The following CCBE1 variants were observed in gnomAD, a reference collection of about 807,000 sequenced individuals.
The protein encoded by CCBE1 is collagen and calcium binding EGF domains 1, also known as collagen and calcium-binding EGF domain-containing protein 1.
CCBE1 carries 37 observed loss-of-function variants against 50.0 expected under a neutral mutation model. That is an observed-to-expected ratio of 0.74 (90% CI 0.57 to 0.97). The LOEUF is 0.97. Ranked by LOEUF, CCBE1 falls within the 50% of genes least tolerant of loss-of-function variation. The probability of loss-of-function intolerance (pLI) is 0.00; values close to 1 mark genes in which losing one functional copy is unlikely to be tolerated. For missense variants in CCBE1, 538 were observed against 523.8 expected, an observed-to-expected ratio of 1.03 and a Z score of -0.26; for synonymous variants, 234 against 203.7, an observed-to-expected ratio of 1.15 and a Z score of -1.27.
intron 2 of CCBE1, among the ~76,000 whole-genome samples, chr18:59,493,947 T>G (rs1913229338): frequency 6.6e-6 from 1 of 152,140 alleles, no homozygotes; most frequent in African/African-American, 2.4e-5. Flanking sequence ...CTCTCTCTCT[T>G]TGCCTGCCAC....
At chr18:59,570,177 G>A (rs1344992147) in intron 2 of CCBE1, among the ~76,000 whole-genome samples, 1 of 152,184 alleles carries the variant, frequency 6.6e-6, no homozygotes, top group Non-Finnish European at 1.5e-5. Context: ...GCCTGGGAGA[G>A]GGAGTTTCTG....
intron 2 of CCBE1, among the ~76,000 whole-genome samples, chr18:59,599,088 T>C (rs1188921897): frequency 2.0e-5 from 3 of 152,190 alleles, no homozygotes; most frequent in African/African-American, 7.2e-5. Context: ...ACCTTTCTTC[T>C]TCTACTACTA....
intron 2 of CCBE1, among the ~76,000 whole-genome samples, chr18:59,637,808 T>C (rs558683616): frequency 7.4e-4 from 112 of 152,338 alleles, no homozygotes; most frequent in African/African-American, 2.4e-3. Context: ...AATACCTGAA[T>C]ATTTCTGTAA....
At chr18:59,443,917 G>C (rs1186887895) in intron 7 of CCBE1, among the ~76,000 whole-genome samples, 2 of 152,082 alleles carry the variant, frequency 1.3e-5, no homozygotes, top group Non-Finnish European at 2.9e-5. Flanking sequence ...CTCAGCCCCT[G>C]ATAACAACCA....
At chr18:59,586,100 C>T (rs528470295) in intron 2 of CCBE1, among the ~76,000 whole-genome samples, 9 of 152,266 alleles carry the variant, frequency 5.9e-5, no homozygotes, top group South Asian at 2.1e-4. Context: ...AAATAGTACA[C>T]GAAAACTAGT....
intron 2 of CCBE1, 39 bp downstream of exon 2, chr18:59,696,590 T>TGC (rs748201670): frequency 1.2e-6 from 2 of 1,611,922 alleles, no homozygotes; most frequent in South Asian, 1.1e-5. Flanking sequence ...CCAGCCCCGG[T>TGC]GCGCAGTGGC....
chr18:59,443,943 CTA>C (rs1910558731), intron 7 of CCBE1, among the ~76,000 whole-genome samples: 1 of 152,162 alleles, frequency 6.6e-6, no homozygotes, highest in South Asian at 2.1e-4. Flanking sequence ...CTTTCTGTTT[CTA>C]TGAGTTTAAT....
chr18:59,627,517 T>C (rs553853570), intron 2 of CCBE1, among the ~76,000 whole-genome samples: 4 of 152,330 alleles, frequency 2.6e-5, no homozygotes, highest in Middle Eastern at 3.4e-3. Context: ...TTTGGAAATA[T>C]GGTCTCTGCA....
In CCBE1 at chr18:59,436,049, C is replaced by A; in HGVS notation, c.1080G>T (p.Arg360=). The A allele has an allele frequency of 6.2e-7, 1 of 1,614,170 alleles. No homozygotes were observed. Among genetic ancestry groups the A allele is most frequent in the South Asian group, 1.1e-5 (1 of 91,076 alleles). ...TELQEKVFGH[R]THSSAEEFPL... Reference sequence around the variant, plus strand: ...GGAACTCCTCTGCTGAAGAGTGAGTCCGGTGCCCGAACACCTTTTCCTGCA... The same window carrying A: ...GGAACTCCTCTGCTGAAGAGTGAGTACGGTGCCCGAACACCTTTTCCTGCA... Residue 360 remains arginine (R), a synonymous_variant, in exon 11 of 11, where the codon CGG becomes CGT. Transcript: ENST00000439986.
At chr18:59,543,510 T>C (rs1035264746) in intron 2 of CCBE1, among the ~76,000 whole-genome samples, 1 of 152,076 alleles carries the variant, frequency 6.6e-6, no homozygotes, top group Non-Finnish European at 1.5e-5. Flanking sequence ...AGACAAGGAT[T>C]GTATCCATAA....
chr18:59,618,940 T>C (rs2053674895), intron 2 of CCBE1, among the ~76,000 whole-genome samples: 1 of 152,214 alleles, frequency 6.6e-6, no homozygotes, highest in East Asian at 1.9e-4. Context: ...ACTCCAGGTA[T>C]TGGATTTCAG....
At chr18:59,644,238 A>G (rs2054026942) in intron 2 of CCBE1, among the ~76,000 whole-genome samples, 1 of 152,204 alleles carries the variant, frequency 6.6e-6, no homozygotes, top group South Asian at 2.1e-4. Flanking sequence ...CTGATCTGAG[A>G]GGAGGCGGAG....
intron 2 of CCBE1, among the ~76,000 whole-genome samples, chr18:59,657,638 T>C (rs2054208656): frequency 6.6e-6 from 1 of 152,216 alleles, no homozygotes; most frequent in South Asian, 2.1e-4. Flanking sequence ...ACGCCTATAA[T>C]CCCAGCACTT....
chr18:59,654,469 C>A (rs1235956980), intron 2 of CCBE1, among the ~76,000 whole-genome samples: 2 of 151,918 alleles, frequency 1.3e-5, no homozygotes, highest in Non-Finnish European at 2.9e-5. Context: ...ACTAAAAACA[C>A]AAATATTAGC....
At chr18:59,453,076 G>A (rs1345435083) in intron 6 of CCBE1, among the ~76,000 whole-genome samples, 1 of 152,140 alleles carries the variant, frequency 6.6e-6, no homozygotes, top group Non-Finnish European at 1.5e-5. Flanking sequence ...GGAGATTAAG[G>A]GAAAACCACA....
chr18:59,625,363 G>A (rs552983594), intron 2 of CCBE1, among the ~76,000 whole-genome samples: 10 of 149,514 alleles, frequency 6.7e-5, no homozygotes, highest in Non-Finnish European at 8.9e-5. Context: ...TCCGGGAGGC[G>A]GAGCTTGCAG....
chr18:59,661,200 A>G (rs2054280061), intron 2 of CCBE1, among the ~76,000 whole-genome samples: 1 of 151,202 alleles, frequency 6.6e-6, no homozygotes, highest in African/African-American at 2.4e-5. Flanking sequence ...CCAACAACAC[A>G]GTAAATATTT....
intron 2 of CCBE1, among the ~76,000 whole-genome samples, chr18:59,505,428 A>C (rs1913825411): frequency 6.6e-6 from 1 of 152,238 alleles, no homozygotes; most frequent in Non-Finnish European, 1.5e-5. Flanking sequence ...CACACAGAGG[A>C]AAACCACTTA....
chr18:59,452,759 G>A (rs1199927083), intron 6 of CCBE1, among the ~76,000 whole-genome samples: 1 of 152,182 alleles, frequency 6.6e-6, no homozygotes. Flanking sequence ...ATGTGATTCT[G>A]GATATAACGC....
Sources: allele counts gnomAD v4.1 joint callset (sites outside exome capture counted in the v4.1 genomes callset), GRCh38; gene constraint gnomAD v4.1.1; transcripts MANE v1.5; gene names NCBI Gene and HGNC (gene_info 2026-07-23, HGNC 2026-07-21).